The following NEXMIF variants were observed in gnomAD, a reference collection of about 807,000 sequenced individuals.
NEXMIF encodes neurite extension and migration factor.
Under a neutral mutation model 62.1 loss-of-function variants are expected in NEXMIF, and 8 were observed. The ratio of observed to expected loss-of-function variants is 0.13; its 90% CI spans 0.08 to 0.23. The LOEUF (loss-of-function observed/expected upper bound fraction) is 0.23. Among genes scored for constraint, NEXMIF ranks in the 10% least tolerant of loss-of-function variants. The pLI is 1.00. For synonymous variants in NEXMIF, 404 were observed against 416.6 expected (o/e 0.97, Z 0.37); for missense variants, 976 against 1,113.3 (o/e 0.88, Z 1.75).
chrX:74,783,117 G>A (rs1395487568), intron 1 of NEXMIF, among the ~76,000 whole-genome samples: 1 of 111,326 alleles, frequency 9.0e-6, no homozygotes, highest in Non-Finnish European at 1.9e-5. Flanking sequence ...AAAACCACGA[G>A]AGCATCATGG....
intron 1 of NEXMIF, among the ~76,000 whole-genome samples, chrX:74,909,462 C>T (rs1234049405): frequency 8.9e-6 from 1 of 111,936 alleles, no homozygotes; most frequent in Non-Finnish European, 1.9e-5. Flanking sequence ...TTCTAAGCAG[C>T]AAGGCATTCA....
intron 1 of NEXMIF, among the ~76,000 whole-genome samples, chrX:74,901,656 T>C (rs764379241): frequency 1.3e-4 from 14 of 111,696 alleles, no homozygotes; most frequent in Non-Finnish European, 2.6e-4. Context: ...TAATAAAATA[T>C]AGTTTTCCTG....
intron 1 of NEXMIF, among the ~76,000 whole-genome samples, chrX:74,841,021 G>A (rs2080472209): frequency 8.9e-6 from 1 of 112,171 alleles, no homozygotes; most frequent in African/African-American, 3.2e-5. Flanking sequence ...TGTGAAGAAT[G>A]TCATTGGTAG....
chrX:74,879,612 A>G (rs1188645284), intron 1 of NEXMIF, among the ~76,000 whole-genome samples: 2 of 112,228 alleles, frequency 1.8e-5, no homozygotes, highest in Non-Finnish European at 3.8e-5. Flanking sequence ...ATACATAGTA[A>G]AGACCACTCC....
At chrX:74,868,091 G>C (rs980829498) in intron 1 of NEXMIF, among the ~76,000 whole-genome samples, 1 of 112,085 alleles carries the variant, frequency 8.9e-6, no homozygotes, top group Non-Finnish European at 1.9e-5. Context: ...TCTTATGCCA[G>C]TCAGAATGGT....
At chrX:74,896,355 T>C (rs2080732975) in intron 1 of NEXMIF, among the ~76,000 whole-genome samples, 1 of 111,739 alleles carries the variant, frequency 8.9e-6, no homozygotes, top group Non-Finnish European at 1.9e-5. Flanking sequence ...ACTTTCTCCA[T>C]CCCACTCTGG....
intron 1 of NEXMIF, among the ~76,000 whole-genome samples, chrX:74,806,609 A>G (rs190086651): frequency 1.8e-3 from 204 of 112,270 alleles, no homozygotes; most frequent in Non-Finnish European, 3.9e-4. Context: ...TCAAAAAAAT[A>G]AAATCTATTT....
intron 1 of NEXMIF, among the ~76,000 whole-genome samples, chrX:74,784,351 TAAG>T (rs941383825): frequency 9.0e-6 from 1 of 111,435 alleles, no homozygotes; most frequent in Admixed American, 9.6e-5. Flanking sequence ...ATAGCTATGA[TAAG>T]AAAGTACAAT....
intron 1 of NEXMIF, among the ~76,000 whole-genome samples, chrX:74,904,410 T>C (rs1328168511): frequency 8.9e-6 from 1 of 112,166 alleles, no homozygotes; most frequent in East Asian, 2.8e-4. Context: ...CCATTTTAAA[T>C]GGCTAAATAG....
chrX:74,810,166 TA>T (rs375693277), intron 1 of NEXMIF, among the ~76,000 whole-genome samples: 14 of 112,200 alleles, frequency 1.2e-4, no homozygotes, highest in South Asian at 7.3e-4. Flanking sequence ...GTAATTAGAA[TA>T]TTTTTTTAGC....
Position 74,736,028 on chromosome X carries a change from G to T in NEXMIF, c.*3377C>A, listed in dbSNP as rs2080084164. On this transcript the variant is annotated 3_prime_UTR_variant, in exon 4 of 4. Coordinates refer to ENST00000055682, the MANE Select transcript of NEXMIF (RefSeq NM_001008537.3). ...ATAATTTGTCCATGTGGGCACGAGT[G>T]TGTGTTTAAAATTATATTTGAGGGA... The T allele has an allele frequency of 9.0e-6, 1 of 111,156 alleles. No individual in the cohort carries two copies. Among genetic ancestry groups the T allele is most frequent in the Non-Finnish European group, 1.9e-5 (1 of 53,091 alleles). The allele number at this position is 111,156 out of a possible 1,213,427, so 9.2% of individuals were successfully genotyped here. A position where few individuals can be genotyped will look rare whatever the true frequency, so the allele number is the denominator to read the frequency against.
At chrX:74,755,916 A>G (rs1171014551) in intron 1 of NEXMIF, among the ~76,000 whole-genome samples, 1 of 111,415 alleles carries the variant, frequency 9.0e-6, no homozygotes, top group Non-Finnish European at 1.9e-5. Context: ...ATGGAGTCTC[A>G]CTCTGTCATC....
intron 1 of NEXMIF, among the ~76,000 whole-genome samples, chrX:74,835,373 C>T (rs919617224): frequency 9.0e-6 from 1 of 111,239 alleles, no homozygotes; most frequent in Non-Finnish European, 1.9e-5. Context: ...AGATGTTCAC[C>T]GGTGTCTGAA....
At chrX:74,844,055 G>T (rs1384998213) in intron 1 of NEXMIF, among the ~76,000 whole-genome samples, 5 of 111,801 alleles carry the variant, frequency 4.5e-5, no homozygotes, top group Admixed American at 9.5e-5. Flanking sequence ...AGTTTAGCTG[G>T]ATATGAAATT....
In NEXMIF at chrX:74,740,681, G is replaced by T. The variant is rs1443891211; in HGVS notation, c.3876C>A (p.Gly1292=). 1 of 1,211,933 alleles carries T rather than the reference G, an allele frequency of 8.3e-7. No homozygotes were observed. The highest frequency in any genetic ancestry group is 2.2e-5 in the Admixed American group (1 of 46,076). Residue 1292 remains glycine, a synonymous_variant, in exon 3 of 4, where the codon GGC becomes GGA. Coordinates refer to ENST00000055682, the MANE Select transcript of NEXMIF (RefSeq NM_001008537.3). The part of the protein sequence containing the change: ...DWALGKESSP[G]WSDMSMGTNT... ...TGGTGCCCATGCTCATATCACTCCA[G>T]CCTGGGCTGCTCTCCTTCCCCAAGG...
intron 1 of NEXMIF, among the ~76,000 whole-genome samples, chrX:74,862,368 T>A (rs1475088756): frequency 9.1e-6 from 1 of 110,215 alleles, no homozygotes; most frequent in Non-Finnish European, 1.9e-5. Context: ...CAAAGAGACT[T>A]ACACTCCCAC....
At chrX:74,761,737 A>G (rs771525688) in intron 1 of NEXMIF, among the ~76,000 whole-genome samples, 2 of 108,532 alleles carry the variant, frequency 1.8e-5, no homozygotes, top group Admixed American at 2.0e-4. Context: ...TTCAGCTCTG[A>G]TTTTGGTTAT....
intron 1 of NEXMIF, among the ~76,000 whole-genome samples, chrX:74,808,092 C>A (rs2080350296): frequency 9.0e-6 from 1 of 111,381 alleles, no homozygotes; most frequent in African/African-American, 3.3e-5. Flanking sequence ...GTTGAACCAG[C>A]CTTGTAAACC....
chrX:74,769,853 C>T (rs769690708), intron 1 of NEXMIF: 4 of 372,761 alleles, frequency 1.1e-5, no homozygotes, highest in Non-Finnish European at 1.9e-5. Context: ...GATCAAGATA[C>T]ACTGTATGTA....
Sources: allele counts gnomAD v4.1 joint callset (sites outside exome capture counted in the v4.1 genomes callset), GRCh38; gene constraint gnomAD v4.1.1; transcripts MANE v1.5; gene names NCBI Gene and HGNC (gene_info 2026-07-23, HGNC 2026-07-21).